The following PTPRD variants were observed in gnomAD, a reference collection of about 807,000 sequenced individuals.
The protein encoded by PTPRD is protein tyrosine phosphatase receptor type D.
Under a neutral mutation model 214.5 loss-of-function variants are expected in PTPRD, and 34 were observed. The observed-to-expected ratio is 0.16, with a 90% CI of 0.12 to 0.21. The LOEUF is 0.21. Among genes scored for constraint, PTPRD ranks in the 10% least tolerant of loss-of-function variants. The pLI, the probability that PTPRD is intolerant of heterozygous loss-of-function variation, is 1.00. For missense variants in PTPRD, 2,545 were observed against 2,398.7 expected, an observed-to-expected ratio of 1.06 and a Z score of -1.27; for synonymous variants, 1,128 against 845.7, an observed-to-expected ratio of 1.33 and a Z score of -5.79.
At chr9:9,559,163 A>T (rs2082266991) in intron 8 of PTPRD, among the ~76,000 whole-genome samples, 1 of 152,106 alleles carries the variant, frequency 6.6e-6, no homozygotes, top group South Asian at 2.1e-4. Context: ...ACTGCTTCCC[A>T]GTCTGGGGCG....
chr9:8,632,148 T>C (rs1327021860), intron 14 of PTPRD, among the ~76,000 whole-genome samples: 12 of 115,910 alleles, frequency 1.0e-4, no homozygotes, highest in Admixed American at 9.7e-4. Context: ...TGTGTGTGTG[T>C]CTGTGTGTGT....
chr9:8,656,886 C>T (rs1264526143), intron 12 of PTPRD, among the ~76,000 whole-genome samples: 2 of 152,160 alleles, frequency 1.3e-5, no homozygotes, highest in Non-Finnish European at 2.9e-5. Context: ...CAACCTGTCA[C>T]TGTACAAGAA....
intron 10 of PTPRD, among the ~76,000 whole-genome samples, chr9:9,084,025 C>T (rs1235406073): frequency 1.3e-5 from 2 of 152,134 alleles, no homozygotes; most frequent in East Asian, 1.9e-4. Context: ...ACCAGAAATA[C>T]CGTTTGACCC....
rs551830894 is a variant in PTPRD, at chr9:9,663,976, T to G, written c.-287+70557A>C. On this transcript the variant is annotated intron_variant, in intron 7 of 45. Coordinates refer to ENST00000381196, the MANE Select transcript of PTPRD (RefSeq NM_002839.4). Reference sequence around the variant, plus strand: ...TAGAAATTCATCCTATATAACATATTACAATGAAGGAGAACTTATGTTTTA... The same window carrying G: ...TAGAAATTCATCCTATATAACATATGACAATGAAGGAGAACTTATGTTTTA... Among the ~76,000 whole-genome samples the G allele has an allele frequency of 2.5e-3, 382 of 151,264 alleles. 2 individuals carry two copies. The highest frequency in any genetic ancestry group is 8.7e-3 in the African/African-American group (359 of 41,388).
At chr9:8,751,591 T>C (rs1319194600) in intron 11 of PTPRD, among the ~76,000 whole-genome samples, 1 of 152,178 alleles carries the variant, frequency 6.6e-6, no homozygotes, top group South Asian at 2.1e-4. Flanking sequence ...TCTTTCAGGA[T>C]TTAGAAGCCA....
chr9:9,539,562 C>T (rs1419725910), intron 8 of PTPRD, among the ~76,000 whole-genome samples: 1 of 151,892 alleles, frequency 6.6e-6, no homozygotes, highest in Non-Finnish European at 1.5e-5. Flanking sequence ...CTATGTGTGG[C>T]CTTTAGAAAC....
intron 4 of PTPRD, among the ~76,000 whole-genome samples, chr9:10,024,341 T>C (rs1489515871): frequency 6.6e-6 from 1 of 152,154 alleles, no homozygotes; most frequent in Non-Finnish European, 1.5e-5. Context: ...AATTTTTATT[T>C]GTTGTTTATT....
intron 9 of PTPRD, among the ~76,000 whole-genome samples, chr9:9,185,027 A>T (rs184129913): frequency 6.6e-6 from 1 of 152,140 alleles, no homozygotes; most frequent in Admixed American, 6.6e-5. Context: ...ATAGGCCTCT[A>T]TTTGTGGGTT....
At chr9:9,885,429 C>T (rs1163006555) in intron 5 of PTPRD, among the ~76,000 whole-genome samples, 1 of 152,070 alleles carries the variant, frequency 6.6e-6, no homozygotes, top group Non-Finnish European at 1.5e-5. Flanking sequence ...AGATCCCCTT[C>T]ATTATATGAT....
At chr9:8,562,309 A>G (rs1000339241) in intron 14 of PTPRD, among the ~76,000 whole-genome samples, 1 of 152,144 alleles carries the variant, frequency 6.6e-6, no homozygotes, top group Non-Finnish European at 1.5e-5. Context: ...ATATTCTATA[A>G]AGTACATATG....
intron 10 of PTPRD, among the ~76,000 whole-genome samples, chr9:9,123,913 G>A (rs1374650005): frequency 1.3e-5 from 2 of 150,666 alleles, no homozygotes; most frequent in African/African-American, 4.9e-5. Flanking sequence ...ATGAATAGGA[G>A]ACAAAGAGAA....
chr9:9,671,796 T>C (rs111734503), intron 7 of PTPRD, among the ~76,000 whole-genome samples: 1 of 152,200 alleles, frequency 6.6e-6, no homozygotes, highest in Non-Finnish European at 1.5e-5. Context: ...CTCCCAGCCA[T>C]GTAGAACTGT....
rs2784599 is a variant in PTPRD, at chr9:10,512,880, A to T, written c.-600+99518T>A. On this transcript the variant is annotated intron_variant, in intron 2 of 45. Transcript: ENST00000381196. ...TATTGCACTGGAGTTGAAACTGTCC[A>T]TGTGGTAGAAAGGAAAGAAAAAAAA... Among the ~76,000 whole-genome samples the T allele has an allele frequency of 7.5e-5, 11 of 147,614 alleles. No homozygotes were observed. In the Admixed American group the frequency reaches 7.6e-4, roughly 10 times the overall value.
intron 7 of PTPRD, among the ~76,000 whole-genome samples, chr9:9,636,632 T>G (rs1200598975): frequency 6.6e-6 from 1 of 152,196 alleles, no homozygotes. Flanking sequence ...ATATTTTGTG[T>G]TTGGGTATAG....
intron 3 of PTPRD, among the ~76,000 whole-genome samples, chr9:10,297,514 C>T (rs1048831184): frequency 1.3e-5 from 2 of 151,378 alleles, no homozygotes; most frequent in Non-Finnish European, 2.9e-5. Context: ...AAGTGAATTC[C>T]CAGGGTGAGC....
chr9:9,967,080 G>C (rs2094756395), intron 4 of PTPRD, among the ~76,000 whole-genome samples: 1 of 152,088 alleles, frequency 6.6e-6, no homozygotes, highest in South Asian at 2.1e-4. Flanking sequence ...ACTTCACCAG[G>C]GTAAGTCCCT....
intron 5 of PTPRD, among the ~76,000 whole-genome samples, chr9:9,798,203 A>G (rs2821488): frequency 0.64 from 97,458 of 151,852 alleles, 33,273 homozygotes; most frequent in East Asian, 0.88. Context: ...AGGGGAGGAA[A>G]CCTTTATTCA....
chr9:10,244,346 T>G (rs1024195327), intron 3 of PTPRD, among the ~76,000 whole-genome samples: 1 of 152,120 alleles, frequency 6.6e-6, no homozygotes, highest in Admixed American at 6.6e-5. Flanking sequence ...GCCTCTCTTG[T>G]GCCCACCACA....
intron 3 of PTPRD, among the ~76,000 whole-genome samples, chr9:10,085,778 C>G (rs1030217874): frequency 6.6e-6 from 1 of 151,810 alleles, no homozygotes; most frequent in Non-Finnish European, 1.5e-5. Flanking sequence ...GTGAAACCAT[C>G]ATTTTGCCAT....
Sources: gnomAD v4.1 joint callset for allele counts (sites outside exome capture counted in the v4.1 genomes callset) on GRCh38, gnomAD v4.1.1 for gene constraint, MANE v1.5 for transcripts, NCBI Gene and HGNC (gene_info 2026-07-23, HGNC 2026-07-21) for gene names.